The following NLK variants were observed in gnomAD, a reference collection of about 807,000 sequenced individuals.
NLK encodes the protein serine/threonine-protein kinase NLK.
A neutral mutation model predicts 59.0 loss-of-function variants in NLK; 11 were observed. That is an observed-to-expected ratio of 0.19 (90% CI 0.12 to 0.31). The LOEUF (loss-of-function observed/expected upper bound fraction) is 0.31, where lower values mean the gene tolerates loss of function less well. Among genes scored for constraint, NLK ranks in the 10% least tolerant of loss-of-function variants. NLK has a pLI of 1.00. For missense variants in NLK, 410 were observed against 661.1 expected, an observed-to-expected ratio of 0.62 and a Z score of 4.16; for synonymous variants, 235 against 235.9, an observed-to-expected ratio of 1.00 and a Z score of 0.03.
chr17:28,053,972 C>T lies in NLK; in HGVS notation c.458+10641C>T, dbSNP rs1268552022. Among the ~76,000 whole-genome samples, 8 of 152,294 alleles carry T rather than the reference C, an allele frequency of 5.3e-5. No individual in the cohort carries two copies. The South Asian group carries it at 1.7e-3, about 32-fold the overall frequency. ...ATTGCACATCTAAATTAACATGCAG[C>T]CTGGTGCAGAGGGTTTTTCCCCACT... is the stretch of plus-strand genomic sequence containing the variant. On this transcript the variant is annotated intron_variant, in intron 1 of 10. Transcript: ENST00000407008.
chr17:28,082,303 G>C (rs1910376255), intron 1 of NLK, among the ~76,000 whole-genome samples: 1 of 152,166 alleles, frequency 6.6e-6, no homozygotes, highest in African/African-American at 2.4e-5. Context: ...AAAGAAAACA[G>C]CTTTCTGGGT....
intron 1 of NLK, chr17:28,062,058 C>T (rs1214379436): frequency 1.3e-5 from 2 of 151,218 alleles, no homozygotes; most frequent in African/African-American, 4.9e-5. Flanking sequence ...GAGGTGCCTT[C>T]TGACACTTAA....
Position 28,195,374 on chromosome 17 carries a change from A to G in NLK, c.*738A>G, listed in dbSNP as rs2142077270. 1 of 151,992 alleles carries G rather than the reference A, an allele frequency of 6.6e-6. No individual in the cohort carries two copies. The allele number at this position is 151,992 out of a possible 1,614,324, so 9.4% of individuals were successfully genotyped here. ...TAGAAGTTTTTCTGCTCTTTCTTAC[A>G]TAAAAGAACCCCAAGCATGCATCTT... On this transcript the variant is annotated 3_prime_UTR_variant, in exon 11 of 11. Coordinates refer to ENST00000407008, the MANE Select transcript of NLK (RefSeq NM_016231.5).
intron 1 of NLK, among the ~76,000 whole-genome samples, chr17:28,082,031 T>A (rs990392180): frequency 6.6e-6 from 1 of 152,150 alleles, no homozygotes; most frequent in Non-Finnish European, 1.5e-5. Context: ...GTAGCTCGGA[T>A]TACAGGGGCC....
intron 10 of NLK, among the ~76,000 whole-genome samples, chr17:28,193,974 T>C (rs538439453): frequency 6.6e-6 from 1 of 152,214 alleles, no homozygotes; most frequent in Non-Finnish European, 1.5e-5. Flanking sequence ...CTCAAGTTTA[T>C]AATCTAATTA....
chr17:28,127,071 A>C (rs1906318893), intron 2 of NLK, among the ~76,000 whole-genome samples: 1 of 152,210 alleles, frequency 6.6e-6, no homozygotes. Context: ...ATTCCTGCCA[A>C]GAGCCCCTGT....
At chr17:28,165,452 A>ACTCCTTTGT (rs1307850441) in intron 5 of NLK, among the ~76,000 whole-genome samples, 6 of 152,166 alleles carry the variant, frequency 3.9e-5, no homozygotes, top group Non-Finnish European at 8.8e-5. Context: ...GAACAAACAA[A>ACTCCTTTGT]TTTTGCTCCA....
chr17:28,058,771 T>C (rs1245754512), intron 1 of NLK, among the ~76,000 whole-genome samples: 1 of 152,112 alleles, frequency 6.6e-6, no homozygotes, highest in East Asian at 1.9e-4. Flanking sequence ...CCCATCTCTA[T>C]GTAAAAAAGG....
chr17:28,049,709 A>G (rs1377883738), intron 1 of NLK, among the ~76,000 whole-genome samples: 1 of 152,184 alleles, frequency 6.6e-6, no homozygotes, highest in African/African-American at 2.4e-5. Flanking sequence ...CAGGCCAGGC[A>G]TGGTGTCTCA....
chr17:28,088,393 C>T lies in NLK; in HGVS notation c.459-34210C>T, dbSNP rs188345125. On this transcript the variant is annotated intron_variant, in intron 1 of 10. Coordinates refer to ENST00000407008, the MANE Select transcript of NLK (RefSeq NM_016231.5). ...CTACCAGGTCTTCTGTATTTGTTAG[C>T]TGAAATAGTTCTATAAAGTGAAACT... Among the ~76,000 whole-genome samples, 722 of 152,198 alleles carry T rather than the reference C, an allele frequency of 4.7e-3. 6 individuals carry two copies. The highest frequency in any genetic ancestry group is 7.5e-3 in the Non-Finnish European group (513 of 68,006).
chr17:28,063,873 C>A (rs923597042), intron 1 of NLK, among the ~76,000 whole-genome samples: 8 of 152,162 alleles, frequency 5.3e-5, no homozygotes, highest in Admixed American at 1.3e-4. Flanking sequence ...CAAGCCTTGA[C>A]AAAAGGTAAA....
chr17:28,199,690 CAAAACA>C (rs1283545840), downstream of NLK, among the ~76,000 whole-genome samples: 118 of 37,482 alleles, frequency 3.1e-3, 1 homozygote, highest in African/African-American at 8.1e-3. Flanking sequence ...AAAAACAAAA[CAAAACA>C]AAAAAAAAAA....
chr17:28,105,160 T>C (rs1340226323), intron 1 of NLK, among the ~76,000 whole-genome samples: 1 of 152,216 alleles, frequency 6.6e-6, no homozygotes, highest in Admixed American at 6.5e-5. Flanking sequence ...ATCTTCACCT[T>C]GGTTCGAGGT....
intron 5 of NLK, among the ~76,000 whole-genome samples, chr17:28,166,555 A>G (rs978882528): frequency 2.0e-5 from 3 of 152,236 alleles, no homozygotes; most frequent in Non-Finnish European, 4.4e-5. Flanking sequence ...ATTTAAAATC[A>G]TATTTTATCA....
chr17:28,123,815 A>G (rs902835463), intron 2 of NLK, among the ~76,000 whole-genome samples: 1 of 152,200 alleles, frequency 6.6e-6, no homozygotes, highest in Non-Finnish European at 1.5e-5. Flanking sequence ...TGTAAAATTT[A>G]CCTGGAGGTC....
intron 6 of NLK, chr17:28,171,095 T>G (rs1908443625): frequency 1.3e-5 from 2 of 152,244 alleles, no homozygotes; most frequent in Admixed American, 1.3e-4. Context: ...TGTTTCAGTT[T>G]GTTTTTATAA....
At chr17:28,071,490 T>C (rs558108540) in intron 1 of NLK, among the ~76,000 whole-genome samples, 27 of 151,998 alleles carry the variant, frequency 1.8e-4, no homozygotes, top group Admixed American at 9.8e-4. Context: ...CCATTTATTA[T>C]AGTCTTTAAT....
chr17:28,058,672 C>T (rs79161039), intron 1 of NLK, among the ~76,000 whole-genome samples: 1 of 152,116 alleles, frequency 6.6e-6, no homozygotes, highest in African/African-American at 2.4e-5. Flanking sequence ...TGGCAGGAGG[C>T]GCTTTTGAGC....
chr17:28,152,670 TGGGA>T (rs1288636474), intron 3 of NLK, among the ~76,000 whole-genome samples: 5 of 152,052 alleles, frequency 3.3e-5, no homozygotes, highest in African/African-American at 1.2e-4. Flanking sequence ...GTCACCCAGG[TGGGA>T]GTGCGGTGGT....
Sources: gnomAD v4.1 joint callset for allele counts (sites outside exome capture counted in the v4.1 genomes callset) on GRCh38, gnomAD v4.1.1 for gene constraint, MANE v1.5 for transcripts, NCBI Gene and HGNC (gene_info 2026-07-23, HGNC 2026-07-21) for gene names.